The following CPNE5 variants were observed in gnomAD, a reference collection of about 807,000 sequenced individuals.
CPNE5 encodes the protein copine 5.
A neutral mutation model predicts 81.1 loss-of-function variants in CPNE5; 42 were observed. The ratio of observed to expected loss-of-function variants is 0.52; its 90% CI spans 0.40 to 0.67. The LOEUF is 0.67. CPNE5 is among the 30% of genes least tolerant of loss of function. CPNE5 has a pLI of 0.00. For missense variants in CPNE5, 612 were observed against 815.5 expected, an observed-to-expected ratio of 0.75 and a Z score of 3.04; for synonymous variants, 313 against 321.5, an observed-to-expected ratio of 0.97 and a Z score of 0.28.
intron 13 of CPNE5, chr6:36,755,065 T>C (rs10456444): frequency 0.44 from 67,008 of 152,132 alleles, 14,960 homozygotes; most frequent in Non-Finnish European, 0.47. Flanking sequence ...CAGAGTAATT[T>C]TACAGTTCAC....
intron 3 of CPNE5, among the ~76,000 whole-genome samples, chr6:36,814,372 C>G (rs2150568882): frequency 6.6e-6 from 1 of 152,290 alleles, no homozygotes; most frequent in East Asian, 1.9e-4. Flanking sequence ...TAACAACGGA[C>G]TGAATCCAAC....
At chr6:36,827,433 A>G in intron 1 of CPNE5, 1 of 985,364 alleles carries the variant, frequency 1.0e-6, no homozygotes, top group Non-Finnish European at 1.2e-6. Context: ...GCTCTGTTCC[A>G]AGTCTGGCTG....
chr6:36,825,026 G>T (rs1204388144), intron 1 of CPNE5, among the ~76,000 whole-genome samples: 3 of 152,242 alleles, frequency 2.0e-5, no homozygotes, highest in African/African-American at 7.2e-5. Context: ...TCCATGATGG[G>T]GACATGAAAG....
intron 5 of CPNE5, 99 bp downstream of exon 5, chr6:36,798,356 C>T (rs2150524611): frequency 1.3e-5 from 20 of 1,497,366 alleles, no homozygotes; most frequent in East Asian, 2.3e-5. Flanking sequence ...CAGGACGCAG[C>T]GTCGGACACA....
intron 3 of CPNE5, among the ~76,000 whole-genome samples, chr6:36,807,367 G>A (rs1770688279): frequency 1.3e-5 from 2 of 152,172 alleles, no homozygotes; most frequent in South Asian, 4.1e-4. Context: ...AATGGGAATG[G>A]CAATTTATCT....
chr6:36,793,232 CA>C (rs1561791955), intron 7 of CPNE5, among the ~76,000 whole-genome samples: 1 of 152,058 alleles, frequency 6.6e-6, no homozygotes, highest in African/African-American at 2.4e-5. Flanking sequence ...ACAGAGGAGG[CA>C]GGGGAGGAAG....
chr6:36,747,483 C>T (rs997820778), intron 15 of CPNE5, among the ~76,000 whole-genome samples: 6 of 152,140 alleles, frequency 3.9e-5, no homozygotes, highest in East Asian at 1.9e-4. Flanking sequence ...CAGATGCTAT[C>T]GATATTATGA....
At position 36,766,272 on chromosome 6, in the gene CPNE5, G is replaced by A. The variant is rs562654572; in HGVS notation, c.738-896C>T. Among the ~76,000 whole-genome samples the A allele has an allele frequency of 6.6e-6, 1 of 152,228 alleles. No homozygotes were observed. Among genetic ancestry groups the A allele is most frequent in the African/African-American group, 2.4e-5 (1 of 41,538 alleles). On this transcript the variant is annotated intron_variant, in intron 10 of 20. Coordinates refer to ENST00000244751, the MANE Select transcript of CPNE5 (RefSeq NM_020939.2). This position sits in a 1 kb window ranked among gnomAD's most constrained non-coding sequence, Gnocchi z 4.2. The stretch of plus-strand genomic sequence containing the variant: ...ATCTTTGTTAACATCCCATCATCTC[G>A]CCCATCTCCTCGGGCCTGCCAGGAG...
chr6:36,799,636 G>A (rs1033157767), intron 4 of CPNE5, among the ~76,000 whole-genome samples: 2 of 152,086 alleles, frequency 1.3e-5, no homozygotes, highest in African/African-American at 4.8e-5. Flanking sequence ...TGGTTGCCAG[G>A]GGAGAAAAGG....
At position 36,818,345 on chromosome 6, in the gene CPNE5, A is replaced by C. The variant is rs139765496; in HGVS notation, c.183+3769T>G. Among the ~76,000 whole-genome samples the C allele has an allele frequency of 1.4e-3, 218 of 152,244 alleles. 1 individual carries two copies. The highest frequency in any genetic ancestry group is 4.8e-3 in the African/African-American group (201 of 41,548). Reference sequence around the variant, plus strand: ...TTTCCCGTTAGGATTGTTCATCCACATGCATCTCCCCTCCCAGGCTGCAAC... The same window carrying C: ...TTTCCCGTTAGGATTGTTCATCCACCTGCATCTCCCCTCCCAGGCTGCAAC... On this transcript the variant is annotated intron_variant, in intron 3 of 20. Coordinates refer to ENST00000244751, the MANE Select transcript of CPNE5 (RefSeq NM_020939.2).
intron 3 of CPNE5, among the ~76,000 whole-genome samples, chr6:36,813,218 G>T (rs1439194649): frequency 6.6e-6 from 1 of 152,154 alleles, no homozygotes; most frequent in East Asian, 1.9e-4. Context: ...AAACCAGGTT[G>T]CATCACTCCC....
intron 3 of CPNE5, among the ~76,000 whole-genome samples, chr6:36,821,316 G>A (rs1290918998): frequency 6.6e-6 from 1 of 151,934 alleles, no homozygotes; most frequent in African/African-American, 2.4e-5. Flanking sequence ...CAAGGTGGGG[G>A]GACTGGGAGG....
intron 12 of CPNE5, among the ~76,000 whole-genome samples, chr6:36,759,659 T>C (rs1582770503): frequency 2.0e-5 from 3 of 151,314 alleles, no homozygotes; most frequent in Admixed American, 2.0e-4. Flanking sequence ...GTGGGGCGGG[T>C]GTGCAGGTGG....
At chr6:36,759,571 G>T (rs10807176) in intron 12 of CPNE5, among the ~76,000 whole-genome samples, 2 of 151,584 alleles carry the variant, frequency 1.3e-5, no homozygotes, top group Non-Finnish European at 2.9e-5. Context: ...TCTTTGAGGG[G>T]TTGAATAGTG....
intron 3 of CPNE5, among the ~76,000 whole-genome samples, chr6:36,805,334 C>G (rs867879238): frequency 2.0e-5 from 3 of 152,256 alleles, no homozygotes; most frequent in African/African-American, 7.2e-5. Flanking sequence ...CAGCCCTGTT[C>G]ATTCTGCCAG....
intron 3 of CPNE5, among the ~76,000 whole-genome samples, chr6:36,800,282 C>T (rs546618102): frequency 2.2e-4 from 33 of 152,310 alleles, no homozygotes; most frequent in Middle Eastern, 3.4e-3. Context: ...GGCTCCAACC[C>T]GTACTGCTTC....
At chr6:36,745,802 C>G (rs1220317137) in intron 16 of CPNE5, among the ~76,000 whole-genome samples, 1 of 152,204 alleles carries the variant, frequency 6.6e-6, no homozygotes, top group African/African-American at 2.4e-5. Context: ...TAAATCCACT[C>G]TGCCCTAAAA....
At chr6:36,780,245 G>A (rs977341022) in intron 8 of CPNE5, among the ~76,000 whole-genome samples, 1 of 152,202 alleles carries the variant, frequency 6.6e-6, no homozygotes, top group African/African-American at 2.4e-5. Context: ...TTACAGGCGT[G>A]AGCCACTGCA....
At chr6:36,761,222 G>A (rs1162241789) in intron 12 of CPNE5, among the ~76,000 whole-genome samples, 1 of 152,230 alleles carries the variant, frequency 6.6e-6, no homozygotes, top group Non-Finnish European at 1.5e-5. Context: ...GTGGGGCGGG[G>A]GAGCGGGGAC....
Sources: gnomAD v4.1 joint callset for allele counts (sites outside exome capture counted in the v4.1 genomes callset) on GRCh38, gnomAD v4.1.1 for gene constraint, Gnocchi (gnomAD v3.1) non-coding constraint, MANE v1.5 for transcripts, NCBI Gene and HGNC (gene_info 2026-07-23, HGNC 2026-07-21) for gene names.